TGFBRAP1: variants seen among roughly 807,000 people sequenced by gnomAD.
TGFBRAP1 encodes transforming growth factor beta receptor associated protein 1.
A neutral mutation model predicts 83.2 loss-of-function variants in TGFBRAP1; 20 were observed. The ratio of observed to expected loss-of-function variants is 0.24; its 90% CI spans 0.17 to 0.35. TGFBRAP1 has a LOEUF of 0.35. Among genes scored for constraint, TGFBRAP1 ranks in the 10% least tolerant of loss-of-function variants. The pLI, the probability that TGFBRAP1 is intolerant of heterozygous loss-of-function variation, is 1.00. For missense variants in TGFBRAP1, 950 were observed against 1,099.4 expected (o/e 0.86, Z 1.92); for synonymous variants, 415 against 459.8 (o/e 0.90, Z 1.25).
chr2:105,250,763 C>T, the TGFBRAP1 span, among the ~76,000 whole-genome samples: 8 of 152,138 alleles, frequency 5.3e-5, no homozygotes, highest in African/African-American at 1.7e-4. Flanking sequence ...GCCTGATTCT[C>T]CTGCCTCAGC....
chr2:105,303,889 G>GA (rs1419727247), intron 2 of TGFBRAP1, among the ~76,000 whole-genome samples: 2 of 152,110 alleles, frequency 1.3e-5, no homozygotes, highest in African/African-American at 2.4e-5. Flanking sequence ...CACCATACAT[G>GA]AAACCATCCA....
intron 4 of TGFBRAP1, among the ~76,000 whole-genome samples, chr2:105,285,483 A>G (rs1677684714): frequency 1.3e-5 from 2 of 152,236 alleles, no homozygotes; most frequent in African/African-American, 2.4e-5. Flanking sequence ...TTGTTGGACC[A>G]TGATTTAAAA....
intron 2 of TGFBRAP1, among the ~76,000 whole-genome samples, chr2:105,305,867 C>G (rs547742822): frequency 1.3e-5 from 2 of 152,084 alleles, no homozygotes; most frequent in South Asian, 4.1e-4. Context: ...TTTGGCCAGG[C>G]TGGTCTCGAA....
At chr2:105,276,712 T>C (rs1332754277) in intron 7 of TGFBRAP1, among the ~76,000 whole-genome samples, 1 of 152,158 alleles carries the variant, frequency 6.6e-6, no homozygotes, top group Non-Finnish European at 1.5e-5. Context: ...AAAATGAAAA[T>C]TTTATCACTG....
chr2:105,269,723 C>A lies in TGFBRAP1; in HGVS notation c.1973-18G>T. On this transcript the variant is annotated intron_variant, in intron 10 of 11. Transcript: ENST00000393359. This position sits in a 1 kb window ranked among gnomAD's most constrained non-coding sequence, Gnocchi z 4.1. Reference sequence around the variant, plus strand: ...CAGCCTCTCTGCAAGACAGAACCTGCAGCTCAGAAAGAAAGGGGCTCGCCG... The same window carrying A: ...CAGCCTCTCTGCAAGACAGAACCTGAAGCTCAGAAAGAAAGGGGCTCGCCG... The A allele has an allele frequency of 1.3e-6, 2 of 1,497,460 alleles. No homozygotes were observed. The allele number at this position is 1,497,460 out of a possible 1,614,324, so 92.8% of individuals were successfully genotyped here.
At chr2:105,257,424 C>T in the TGFBRAP1 span, among the ~76,000 whole-genome samples, 2 of 152,170 alleles carry the variant, frequency 1.3e-5, no homozygotes, top group East Asian at 3.8e-4. Flanking sequence ...CCCCTTTCTC[C>T]CTTCCCAGCC....
intron 9 of TGFBRAP1, 66 bp downstream of exon 9, chr2:105,273,478 A>G (rs368308803): frequency 6.3e-7 from 1 of 1,587,476 alleles, no homozygotes; most frequent in Admixed American, 1.8e-5. Context: ...CACATGCCAA[A>G]AAGTGTTCTA....
At chr2:105,274,383 C>A (rs944288217) in intron 8 of TGFBRAP1, among the ~76,000 whole-genome samples, 1 of 152,238 alleles carries the variant, frequency 6.6e-6, no homozygotes, top group African/African-American at 2.4e-5. Context: ...CACCTCCCCC[C>A]TCCAAGGCCA....
At chr2:105,314,127 G>A (rs998360973) in intron 1 of TGFBRAP1, among the ~76,000 whole-genome samples, 1 of 152,194 alleles carries the variant, frequency 6.6e-6, no homozygotes, top group Non-Finnish European at 1.5e-5. Flanking sequence ...CACAGAAAGA[G>A]GAAGGAGATC....
At chr2:105,306,059 T>C (rs935900126) in intron 2 of TGFBRAP1, among the ~76,000 whole-genome samples, 4 of 112,828 alleles carry the variant, frequency 3.5e-5, no homozygotes, top group Non-Finnish European at 5.4e-5. Flanking sequence ...TTTTTGTTTT[T>C]TGTTTTTTGT....
chr2:105,285,383 T>C (rs754643859), intron 4 of TGFBRAP1, among the ~76,000 whole-genome samples: 1 of 152,216 alleles, frequency 6.6e-6, no homozygotes, highest in Non-Finnish European at 1.5e-5. Context: ...GAAACTCCAC[T>C]TCCATTGTCA....
chr2:105,273,849 C>G (rs1188442067), intron 8 of TGFBRAP1, among the ~76,000 whole-genome samples, 159 bp from the exon 9 acceptor site: 1 of 152,146 alleles, frequency 6.6e-6, no homozygotes, highest in South Asian at 2.1e-4. Context: ...AATCATATCT[C>G]AATACAGTGG....
chr2:105,316,413 T>C (rs1206542295), intron 1 of TGFBRAP1, among the ~76,000 whole-genome samples: 1 of 134,970 alleles, frequency 7.4e-6, no homozygotes, highest in Non-Finnish European at 1.6e-5. Flanking sequence ...CTCTTACAGG[T>C]ATAGGGAGTG....
chr2:105,289,032 C>T (rs1192202760), intron 4 of TGFBRAP1, among the ~76,000 whole-genome samples: 1 of 152,154 alleles, frequency 6.6e-6, no homozygotes, highest in Non-Finnish European at 1.5e-5. Context: ...ACTGTCCCTG[C>T]ACATGTGTTT....
chr2:105,256,431 C>T, the TGFBRAP1 span, among the ~76,000 whole-genome samples: 1 of 152,174 alleles, frequency 6.6e-6, no homozygotes, highest in Non-Finnish European at 1.5e-5. Flanking sequence ...AGGCTCCCCT[C>T]CTGGGCTTCT....
chr2:105,277,797 T>A, intron 6 of TGFBRAP1, 126 bp from the exon 7 acceptor site: 1 of 935,802 alleles, frequency 1.1e-6, no homozygotes, highest in Non-Finnish European at 1.7e-6. Flanking sequence ...CTCATGCCTG[T>A]AATCCCAACA....
chr2:105,252,731 ATGTGAG>A, the TGFBRAP1 span, among the ~76,000 whole-genome samples: 1 of 145,322 alleles, frequency 6.9e-6, no homozygotes, highest in Non-Finnish European at 1.5e-5. Flanking sequence ...CCTTCCTGTG[ATGTGAG>A]ATGATATTAA....
At chr2:105,292,971 A>G (rs1201545426) in intron 4 of TGFBRAP1, among the ~76,000 whole-genome samples, 1 of 152,134 alleles carries the variant, frequency 6.6e-6, no homozygotes, top group Non-Finnish European at 1.5e-5. Flanking sequence ...ATTTGAGTGT[A>G]CAGGCTAGCG....
At chr2:105,251,841 T>C in the TGFBRAP1 span, among the ~76,000 whole-genome samples, 5 of 150,184 alleles carry the variant, frequency 3.3e-5, no homozygotes, top group African/African-American at 1.2e-4. Flanking sequence ...TCTGTGACCT[T>C]ACCCCCAACC....
Sources: gnomAD v4.1 joint callset for allele counts (sites outside exome capture counted in the v4.1 genomes callset) on GRCh38, gnomAD v4.1.1 for gene constraint, Gnocchi (gnomAD v3.1) non-coding constraint, MANE v1.5 for transcripts, NCBI Gene and HGNC (gene_info 2026-07-23, HGNC 2026-07-21) for gene names.